ZFPM2: variants seen among roughly 807,000 people sequenced by gnomAD.
ZFPM2 encodes zinc finger protein ZFPM2.
Under a neutral mutation model 98.6 loss-of-function variants are expected in ZFPM2, and 20 were observed. The observed-to-expected ratio is 0.20, with a 90% CI of 0.14 to 0.29. The LOEUF (loss-of-function observed/expected upper bound fraction) is 0.29, where lower values mean the gene tolerates loss of function less well. Among genes scored for constraint, ZFPM2 ranks in the 10% least tolerant of loss-of-function variants. ZFPM2 has a pLI of 1.00. For missense variants in ZFPM2, 1,310 were observed against 1,388.6 expected (o/e 0.94, Z 0.90); for synonymous variants, 518 against 502.7 (o/e 1.03, Z -0.41).
chr8:105,379,215 G>A (rs1811750430), intron 1 of ZFPM2, among the ~76,000 whole-genome samples: 2 of 151,950 alleles, frequency 1.3e-5, no homozygotes, highest in African/African-American at 2.4e-5. Flanking sequence ...TTTAATTGCT[G>A]TGTATTATTA....
chr8:105,740,419 TAAAAC>T (rs1447220845), intron 5 of ZFPM2, among the ~76,000 whole-genome samples: 1 of 148,000 alleles, frequency 6.8e-6, no homozygotes, highest in African/African-American at 2.5e-5. Context: ...AAACACATCA[TAAAAC>T]AAAATAGTGT....
At chr8:105,400,360 C>A (rs192638588) in intron 1 of ZFPM2, among the ~76,000 whole-genome samples, 94 of 151,740 alleles carry the variant, frequency 6.2e-4, no homozygotes, top group African/African-American at 2.2e-3. Flanking sequence ...TGCACTGCAC[C>A]CACTAACTCG....
intron 1 of ZFPM2, among the ~76,000 whole-genome samples, chr8:105,399,401 C>T (rs886159939): frequency 4.6e-5 from 7 of 151,998 alleles, no homozygotes; most frequent in African/African-American, 1.5e-4. Context: ...GGTTATGTTT[C>T]GGAGGTAGAG....
At chr8:105,734,895 A>G (rs1812032538) in intron 5 of ZFPM2, among the ~76,000 whole-genome samples, 1 of 151,240 alleles carries the variant, frequency 6.6e-6, no homozygotes, top group Non-Finnish European at 1.5e-5. Flanking sequence ...TTTTGCACTT[A>G]TAATATCTAT....
At chr8:105,692,859 C>T (rs937846645) in intron 5 of ZFPM2, among the ~76,000 whole-genome samples, 1 of 152,156 alleles carries the variant, frequency 6.6e-6, no homozygotes, top group African/African-American at 2.4e-5. Context: ...GCTTTGAATA[C>T]TAGGTTAAAG....
intron 1 of ZFPM2, among the ~76,000 whole-genome samples, chr8:105,400,845 A>T (rs1228641689): frequency 6.6e-6 from 1 of 152,094 alleles, no homozygotes; most frequent in East Asian, 1.9e-4. Context: ...CCCTATTTCC[A>T]GTGCTCAACA....
At chr8:105,355,075 CTG>C (rs200859189) in intron 1 of ZFPM2, among the ~76,000 whole-genome samples, 1,825 of 152,264 alleles carry the variant, frequency 0.012, 15 homozygotes, top group Middle Eastern at 0.058. Context: ...AAAATTGACA[CTG>C]TTTTTTAACA....
chr8:105,766,303 T>G (rs1325418501), intron 5 of ZFPM2, among the ~76,000 whole-genome samples: 1 of 151,960 alleles, frequency 6.6e-6, no homozygotes, highest in Non-Finnish European at 1.5e-5. Context: ...TGCTTGTACC[T>G]ATAATTACAT....
At chr8:105,771,911 A>G (rs1372616) in intron 5 of ZFPM2, among the ~76,000 whole-genome samples, 15,631 of 152,182 alleles carry the variant, frequency 0.1, 1,136 homozygotes, top group East Asian at 0.37. Context: ...TACTAATGCT[A>G]ATATAATTTG....
intron 1 of ZFPM2, among the ~76,000 whole-genome samples, chr8:105,356,412 A>T (rs561964471): frequency 9.2e-5 from 14 of 152,332 alleles, no homozygotes; most frequent in Non-Finnish European, 1.6e-4. Context: ...GGCAATCAAT[A>T]AAAGTTATAC....
intron 4 of ZFPM2, among the ~76,000 whole-genome samples, chr8:105,599,271 C>G (rs1384496672): frequency 6.6e-6 from 1 of 151,720 alleles, no homozygotes; most frequent in Non-Finnish European, 1.5e-5. Context: ...CATACTGTGG[C>G]CCTGTCTTTA....
At chr8:105,690,734 C>A (rs1462930574) in intron 5 of ZFPM2, among the ~76,000 whole-genome samples, 2 of 152,104 alleles carry the variant, frequency 1.3e-5, no homozygotes, top group Non-Finnish European at 2.9e-5. Context: ...AGCCACCAAA[C>A]TGAAAAGCCC....
intron 6 of ZFPM2, among the ~76,000 whole-genome samples, chr8:105,789,187 A>T (rs1348520794): frequency 6.6e-6 from 1 of 151,968 alleles, no homozygotes; most frequent in African/African-American, 2.4e-5. Context: ...GGCACCCACT[A>T]ACTCGTCATC....
chr8:105,785,091 C>T (rs1022741003), intron 5 of ZFPM2: 10 of 152,126 alleles, frequency 6.6e-5, no homozygotes, highest in Admixed American at 2.6e-4. Context: ...CCTCTTTTCA[C>T]TCCATACTCT....
intron 4 of ZFPM2, among the ~76,000 whole-genome samples, chr8:105,588,752 G>C (rs150123827): frequency 6.6e-6 from 1 of 152,300 alleles, no homozygotes; most frequent in South Asian, 2.1e-4. Flanking sequence ...ATGCTCTTTT[G>C]TCAAAGATTA....
At chr8:105,534,010 T>TCCTTCCTTCTTCCCTTCCTCCCTC (rs1563704247) in intron 3 of ZFPM2, among the ~76,000 whole-genome samples, 5 of 20,514 alleles carry the variant, frequency 2.4e-4, no homozygotes, top group Non-Finnish European at 4.0e-4. Context: ...CTTCCTTCCT[T>TCCTTCCTTCTTCCCTTCCTCCCTC]CCTCCCTTCT....
At chr8:105,657,959 G>A (rs1817316782) in intron 5 of ZFPM2, among the ~76,000 whole-genome samples, 1 of 152,174 alleles carries the variant, frequency 6.6e-6, no homozygotes, top group Non-Finnish European at 1.5e-5. Flanking sequence ...AAATCACTAA[G>A]AGGTAGGAGA....
chr8:105,548,460 T>C (rs1358261218), intron 3 of ZFPM2, among the ~76,000 whole-genome samples: 1 of 152,108 alleles, frequency 6.6e-6, no homozygotes, highest in African/African-American at 2.4e-5. Context: ...GATTTCATGG[T>C]CTTAAAACTG....
At position 105,646,655 on chromosome 8, in the gene ZFPM2, C is replaced by A. The variant is rs78289473; in HGVS notation, c.532+12298C>A. On this transcript the variant is annotated intron_variant, in intron 5 of 7. Transcript: ENST00000407775. The stretch of plus-strand genomic sequence containing the variant: ...AATCATAGGCTGATGACAATCCATT[C>A]ATGGTAATGAGGTCCCCAAATAACT... 6.5e-3 allele frequency among the ~76,000 whole-genome samples: 993 copies of A among 152,194 alleles called. 7 individuals are homozygous for A. The highest frequency in any genetic ancestry group is 0.02 in the African/African-American group (810 of 41,534).
Sources: allele counts gnomAD v4.1 joint callset (sites outside exome capture counted in the v4.1 genomes callset), GRCh38; gene constraint gnomAD v4.1.1; transcripts MANE v1.5; gene names NCBI Gene and HGNC (gene_info 2026-07-23, HGNC 2026-07-21).